ADIPOR2: variants seen among roughly 807,000 people sequenced by gnomAD.
ADIPOR2 encodes the protein adiponectin receptor protein 2.
In ADIPOR2, 18 loss-of-function variants were observed where a neutral mutation model predicts 40.9. That is an observed-to-expected ratio of 0.44 (90% CI 0.30 to 0.65). The LOEUF (loss-of-function observed/expected upper bound fraction) is 0.65. Ranked by LOEUF, ADIPOR2 falls within the 30% of genes least tolerant of loss-of-function variation. The pLI, the probability that ADIPOR2 is intolerant of heterozygous loss-of-function variation, is 0.09. For synonymous variants in ADIPOR2, 165 were observed against 166.4 expected, an observed-to-expected ratio of 0.99 and a Z score of 0.06; for missense variants, 283 against 479.2, an observed-to-expected ratio of 0.59 and a Z score of 3.82.
intron 1 of ADIPOR2, among the ~76,000 whole-genome samples, chr12:1,700,797 TA>T (rs141307691): frequency 3.5e-4 from 51 of 144,142 alleles, no homozygotes; most frequent in Middle Eastern, 3.8e-3. Context: ...GCCCTAGATT[TA>T]AAAAAAAAAA....
In ADIPOR2 at chr12:1,786,658, CTG is replaced by C. The variant is rs889665445; in HGVS notation, c.*588_*589del. ...GAATGAAACATGCAAGTACCACACA[CTG>C]TTTGAATTTTGCACAAAAAGTGACT... is the stretch of plus-strand genomic sequence containing the variant. On this transcript the variant is annotated 3_prime_UTR_variant, in exon 8 of 8. Coordinates refer to ENST00000357103, the MANE Select transcript of ADIPOR2 (RefSeq NM_024551.3). 3.3e-5 allele frequency: 5 copies of C among 152,810 alleles called. No individual in the cohort carries two copies. Among genetic ancestry groups the C allele is most frequent in the African/African-American group, 1.2e-4 (5 of 41,418 alleles). 9.5% of individuals were successfully genotyped at this position (152,810 alleles called of 1,614,324 possible). A position where few individuals can be genotyped will look rare whatever the true frequency, so the allele number is the denominator to read the frequency against.
chr12:1,713,490 G>A (rs942014513), intron 1 of ADIPOR2, among the ~76,000 whole-genome samples: 1 of 152,098 alleles, frequency 6.6e-6, no homozygotes, highest in African/African-American at 2.4e-5. Flanking sequence ...ATAAGAAAAA[G>A]TGGTGGGATC....
intron 1 of ADIPOR2, among the ~76,000 whole-genome samples, chr12:1,695,424 C>CA (rs2094636466): frequency 6.6e-6 from 1 of 151,348 alleles, no homozygotes; most frequent in African/African-American, 2.4e-5. Flanking sequence ...GAGGCCAAGG[C>CA]AGGTGGATCA....
rs2094646922 is a variant in ADIPOR2 at position 1,699,925 on chromosome 12, A to AAT, written c.-87+8734_-87+8735insAT. ...GGGATATATGTTGGCCAATGATATT[A>AAT]TAGATTGGCTTAATTAGACAAGTGT... is the stretch of plus-strand genomic sequence containing the variant. On this transcript the variant is annotated intron_variant, in intron 1 of 7. Transcript: ENST00000357103. 1.8e-4 allele frequency among the ~76,000 whole-genome samples: 27 copies of AAT among 152,352 alleles called. No individual in the cohort carries two copies. In the South Asian group the frequency reaches 5.6e-3, roughly 32 times the overall value.
chr12:1,738,111 G>A (rs903601614), intron 1 of ADIPOR2, among the ~76,000 whole-genome samples: 7 of 150,186 alleles, frequency 4.7e-5, no homozygotes. Context: ...GGTAGCTCTT[G>A]CCTGTAGTCC....
intron 2 of ADIPOR2, 130 bp downstream of exon 2, chr12:1,754,644 C>T (rs1196457756): frequency 8.5e-5 from 74 of 869,490 alleles, no homozygotes; most frequent in Non-Finnish European, 1.2e-4. Context: ...GAAACTTGCA[C>T]ATTTGTATTT....
chr12:1,705,944 C>T (rs932067483), intron 1 of ADIPOR2, among the ~76,000 whole-genome samples: 4 of 152,176 alleles, frequency 2.6e-5, no homozygotes, highest in Admixed American at 2.6e-4. Context: ...CCGTGAACCT[C>T]AGTTTCTTCA....
intron 3 of ADIPOR2, 118 bp from the exon 4 acceptor site, chr12:1,777,736 T>TA (rs1310567694): frequency 3.0e-6 from 3 of 987,280 alleles, no homozygotes; most frequent in Non-Finnish European, 4.4e-6. Flanking sequence ...TTTGCCTTTT[T>TA]AAAAATGAAT....
chr12:1,772,994 A>G (rs368850384), intron 3 of ADIPOR2, 33 bp downstream of exon 3: 2 of 1,608,682 alleles, frequency 1.2e-6, no homozygotes, highest in African/African-American at 1.3e-5. Flanking sequence ...TTGTCATGCT[A>G]TATATTTAGC....
Position 1,732,080 on chromosome 12 carries a change from T to C in ADIPOR2, c.-86-22178T>C, listed in dbSNP as rs550088864. ...GAGTGAAAACTAGAGTTCCCATATATCTACCCGCTGCTTGGTACCACCAGT... is the reference window on the plus strand; with the variant it reads ...GAGTGAAAACTAGAGTTCCCATATACCTACCCGCTGCTTGGTACCACCAGT... On this transcript the variant is annotated intron_variant, in intron 1 of 7. Coordinates refer to ENST00000357103, the MANE Select transcript of ADIPOR2 (RefSeq NM_024551.3). Among the ~76,000 whole-genome samples, 11 of 152,296 alleles carry C rather than the reference T, an allele frequency of 7.2e-5. No individual in the cohort carries two copies. The South Asian group carries it at 2.3e-3, about 32-fold the overall frequency.
In ADIPOR2 at chr12:1,777,730, C is replaced by G. The variant is rs1043653110; in HGVS notation, c.292-124C>G. On this transcript the variant is annotated intron_variant, in intron 3 of 7. Coordinates refer to ENST00000357103, the MANE Select transcript of ADIPOR2 (RefSeq NM_024551.3). ...GACATTATACATTTTGAGATGTTTGCCTTTTTAAAAATGAATTGTTTTTCC... is the reference window on the plus strand; with the variant it reads ...GACATTATACATTTTGAGATGTTTGGCTTTTTAAAAATGAATTGTTTTTCC... 7 of 894,760 alleles carry G rather than the reference C, an allele frequency of 7.8e-6. No individual in the cohort carries two copies. In the Admixed American group the frequency reaches 9.4e-5, roughly 12 times the overall value. The allele number at this position is 894,760 out of a possible 1,614,324, so 55.4% of individuals were successfully genotyped here.
chr12:1,744,626 C>T (rs1162026750), intron 1 of ADIPOR2, among the ~76,000 whole-genome samples: 1 of 152,174 alleles, frequency 6.6e-6, no homozygotes, highest in African/African-American at 2.4e-5. Context: ...TGTGAGCCAC[C>T]ACATCTGACC....
intron 1 of ADIPOR2, among the ~76,000 whole-genome samples, chr12:1,737,162 A>G (rs921733437): frequency 2.0e-5 from 3 of 152,246 alleles, no homozygotes; most frequent in Admixed American, 6.5e-5. Flanking sequence ...ACCTGACAGC[A>G]TATATTTATG....
At chr12:1,726,826 AT>A (rs2094708973) in intron 1 of ADIPOR2, among the ~76,000 whole-genome samples, 4 of 152,146 alleles carry the variant, frequency 2.6e-5, no homozygotes, top group Admixed American at 2.0e-4. Context: ...TTCATACTCC[AT>A]TTCCAAAAAG....
chr12:1,737,056 G>A (rs1245266253), intron 1 of ADIPOR2, among the ~76,000 whole-genome samples: 4 of 152,202 alleles, frequency 2.6e-5, no homozygotes, highest in African/African-American at 4.8e-5. Flanking sequence ...ATGAGACTGA[G>A]CAACCTGCAC....
intron 2 of ADIPOR2, among the ~76,000 whole-genome samples, chr12:1,767,897 C>T (rs1372931802): frequency 6.6e-6 from 1 of 152,128 alleles, no homozygotes; most frequent in African/African-American, 2.4e-5. Context: ...GATTAAGGAT[C>T]TAATTGAGCA....
intron 1 of ADIPOR2, among the ~76,000 whole-genome samples, chr12:1,703,183 G>A (rs1365330480): frequency 2.0e-5 from 3 of 152,178 alleles, no homozygotes; most frequent in Non-Finnish European, 4.4e-5. Flanking sequence ...AAGAGAATAA[G>A]CTAGAGCTAT....
chr12:1,772,389 A>G lies in ADIPOR2; in HGVS notation c.172-453A>G, dbSNP rs561576838. ...TAAAGCCTTTTCCTCTGTGTTGGATATATTTAAAAAATTTATTAAATGTTT... is the reference window on the plus strand; with the variant it reads ...TAAAGCCTTTTCCTCTGTGTTGGATGTATTTAAAAAATTTATTAAATGTTT... On this transcript the variant is annotated intron_variant, in intron 2 of 7. Coordinates refer to ENST00000357103, the MANE Select transcript of ADIPOR2 (RefSeq NM_024551.3). Among the ~76,000 whole-genome samples, 321 of 152,338 alleles carry G rather than the reference A, an allele frequency of 2.1e-3. 1 individual carries two copies. The highest frequency in any genetic ancestry group is 3.5e-3 in the Non-Finnish European group (239 of 68,032).
intron 1 of ADIPOR2, among the ~76,000 whole-genome samples, chr12:1,708,466 T>C (rs1477571703): frequency 6.6e-6 from 1 of 152,192 alleles, no homozygotes; most frequent in Non-Finnish European, 1.5e-5. Context: ...TTGTAAAGAT[T>C]TTCACCTGTG....
Sources: gnomAD v4.1 joint callset for allele counts (sites outside exome capture counted in the v4.1 genomes callset) on GRCh38, gnomAD v4.1.1 for gene constraint, MANE v1.5 for transcripts, NCBI Gene and HGNC (gene_info 2026-07-23, HGNC 2026-07-21) for gene names.